Variants in ANKIB1 observed in about 807,000 individuals in gnomAD.
The protein encoded by ANKIB1 is ankyrin repeat and IBR domain-containing protein 1.
ANKIB1 carries 43 observed loss-of-function variants against 122.1 expected under a neutral mutation model. The ratio of observed to expected loss-of-function variants is 0.35; its 90% CI spans 0.28 to 0.45. ANKIB1 has a LOEUF of 0.45. Among genes scored for constraint, ANKIB1 ranks in the 20% least tolerant of loss-of-function variants. The pLI, the probability that ANKIB1 is intolerant of heterozygous loss-of-function variation, is 1.00. For missense variants in ANKIB1, 992 were observed against 1,329.5 expected, an observed-to-expected ratio of 0.75 and a Z score of 3.95; for synonymous variants, 390 against 442.0, an observed-to-expected ratio of 0.88 and a Z score of 1.48.
intron 3 of ANKIB1, among the ~76,000 whole-genome samples, chr7:92,310,791 TC>T (rs1385218916): frequency 6.6e-6 from 1 of 152,338 alleles, no homozygotes; most frequent in East Asian, 1.9e-4. Flanking sequence ...ACGTGGATGT[TC>T]AATACAGACA....
chr7:92,290,373 G>A (rs191386847), intron 1 of ANKIB1, among the ~76,000 whole-genome samples: 4 of 113,022 alleles, frequency 3.5e-5, no homozygotes, highest in African/African-American at 1.1e-4. Context: ...GTATGAAAGT[G>A]TGTGTGTGTG....
intron 1 of ANKIB1, among the ~76,000 whole-genome samples, chr7:92,287,428 T>C (rs1802153282): frequency 6.6e-6 from 1 of 152,220 alleles, no homozygotes; most frequent in Admixed American, 6.5e-5. Flanking sequence ...TCTGTGATAT[T>C]TTCTCATATT....
chr7:92,321,226 A>T (rs989019922), intron 4 of ANKIB1, among the ~76,000 whole-genome samples: 43 of 152,234 alleles, frequency 2.8e-4, no homozygotes, highest in African/African-American at 9.6e-4. Flanking sequence ...GCTAATTAAC[A>T]TATCCATCCC....
intron 1 of ANKIB1, among the ~76,000 whole-genome samples, chr7:92,257,792 CA>C (rs975245261): frequency 1.3e-5 from 2 of 151,648 alleles, no homozygotes; most frequent in East Asian, 3.9e-4. Flanking sequence ...AACTCTGTCT[CA>C]AAAAAAATAA....
chr7:92,358,981 G>A (rs905160830), intron 9 of ANKIB1, among the ~76,000 whole-genome samples: 2 of 152,124 alleles, frequency 1.3e-5, no homozygotes, highest in East Asian at 3.9e-4. Context: ...GCTAGCATGT[G>A]CGCCAAATTA....
intron 9 of ANKIB1, 66 bp from the exon 10 acceptor site, chr7:92,362,119 C>G: frequency 2.7e-6 from 4 of 1,476,130 alleles, no homozygotes; most frequent in Non-Finnish European, 3.7e-6. Context: ...CCTCTACACA[C>G]TTTTTTTACC....
intron 1 of ANKIB1, among the ~76,000 whole-genome samples, chr7:92,251,729 GC>G (rs1801334485): frequency 6.6e-6 from 1 of 152,080 alleles, no homozygotes; most frequent in African/African-American, 2.4e-5. Context: ...AAACACTACA[GC>G]GTCTGTTTTT....
intron 10 of ANKIB1, among the ~76,000 whole-genome samples, chr7:92,365,256 G>A (rs1360737567): frequency 6.6e-6 from 1 of 152,152 alleles, no homozygotes; most frequent in Non-Finnish European, 1.5e-5. Flanking sequence ...TAGGGGAGGG[G>A]AAGGACAAAG....
At chr7:92,394,249 C>T (rs1309236522) in intron 17 of ANKIB1, among the ~76,000 whole-genome samples, 2 of 152,156 alleles carry the variant, frequency 1.3e-5, no homozygotes, top group East Asian at 1.9e-4. Context: ...TAAAACAGCT[C>T]CTTATAGCTT....
chr7:92,397,982 G>C (rs1804936183), intron 19 of ANKIB1, 123 bp downstream of exon 19: 1 of 1,367,496 alleles, frequency 7.3e-7, no homozygotes, highest in African/African-American at 1.5e-5. Context: ...TTGTTTTAAA[G>C]ATGTGCTGCA....
intron 5 of ANKIB1, 90 bp from the exon 6 acceptor site, chr7:92,342,934 T>C (rs1177765285): frequency 3.3e-6 from 4 of 1,226,240 alleles, no homozygotes; most frequent in Non-Finnish European, 4.7e-6. Context: ...TGACCAAAAT[T>C]TGTAATTCTC....
At chr7:92,325,964 G>A in intron 4 of ANKIB1, 4 of 447,480 alleles carry the variant, frequency 8.9e-6, no homozygotes, top group South Asian at 6.4e-5. Context: ...GGTTTGTTTA[G>A]TCTGAAAATG....
At chr7:92,248,732 T>G (rs1801252246) in intron 1 of ANKIB1, among the ~76,000 whole-genome samples, 1 of 152,204 alleles carries the variant, frequency 6.6e-6, no homozygotes, top group African/African-American at 2.4e-5. Context: ...GTGGGAGTTT[T>G]TATACATTGA....
At chr7:92,351,248 G>T (rs1161162790) in intron 8 of ANKIB1, among the ~76,000 whole-genome samples, 154 bp downstream of exon 8, 1 of 152,162 alleles carries the variant, frequency 6.6e-6, no homozygotes, top group Non-Finnish European at 1.5e-5. Context: ...TAAAGGAATG[G>T]TGATAAAGTT....
At chr7:92,334,711 A>G (rs1244634477) in intron 5 of ANKIB1, among the ~76,000 whole-genome samples, 3 of 152,008 alleles carry the variant, frequency 2.0e-5, no homozygotes, top group African/African-American at 7.2e-5. Context: ...TAACAATAGT[A>G]TGCTTAATCT....
At chr7:92,328,970 CTT>C (rs766176211) in intron 5 of ANKIB1, among the ~76,000 whole-genome samples, 3 of 138,142 alleles carry the variant, frequency 2.2e-5, no homozygotes, top group Non-Finnish European at 3.2e-5. Context: ...CACAAACACA[CTT>C]TTTTTTTTTT....
chr7:92,370,508 CAAAAAAAAAAAAAAA>C (rs34318038), intron 10 of ANKIB1, among the ~76,000 whole-genome samples: 38 of 32,966 alleles, frequency 1.2e-3, no homozygotes, highest in Non-Finnish European at 2.4e-3. Flanking sequence ...ACTCTTGTCT[CAAAAAAAAAAAAAAA>C]AAAAAAAAAA....
At chr7:92,335,673 G>A (rs538886022) in intron 5 of ANKIB1, among the ~76,000 whole-genome samples, 1 of 151,504 alleles carries the variant, frequency 6.6e-6, no homozygotes, top group African/African-American at 2.4e-5. Flanking sequence ...TAGCACTTTG[G>A]CTTTTTTATG....
chr7:92,288,602 A>G (rs1802184807), intron 1 of ANKIB1, among the ~76,000 whole-genome samples: 1 of 152,226 alleles, frequency 6.6e-6, no homozygotes, highest in African/African-American at 2.4e-5. Flanking sequence ...ATTTGCTCAA[A>G]GTGAAATATT....
Sources: allele counts gnomAD v4.1 joint callset (sites outside exome capture counted in the v4.1 genomes callset), GRCh38; gene constraint gnomAD v4.1.1; transcripts MANE v1.5; gene names NCBI Gene and HGNC (gene_info 2026-07-23, HGNC 2026-07-21).